The following INSL6 variants were observed in gnomAD, a reference collection of about 807,000 sequenced individuals.
INSL6 encodes the protein insulin-like peptide INSL6.
A neutral mutation model predicts 9.4 loss-of-function variants in INSL6; 16 were observed. That is an observed-to-expected ratio of 1.70 (90% CI 1.15 to 2.59). The LOEUF is 2.59. INSL6 is among the 30% of genes most tolerant of loss of function. INSL6 has a pLI of 0.00. For synonymous variants in INSL6, 154 were observed against 96.9 expected (o/e 1.59, Z -3.46); for missense variants, 391 against 257.3 (o/e 1.52, Z -3.56).
chr9:5,105,481 G>A, the INSL6 span, among the ~76,000 whole-genome samples: 7 of 152,164 alleles, frequency 4.6e-5, no homozygotes, highest in African/African-American at 1.2e-4. Flanking sequence ...TGAAAATGGC[G>A]ATACTGCCCA....
chr9:5,089,193 G>C, the INSL6 span, among the ~76,000 whole-genome samples: 4 of 152,110 alleles, frequency 2.6e-5, no homozygotes, highest in South Asian at 8.3e-4. Flanking sequence ...CTACCCACCT[G>C]TTGAGATAGT....
At chr9:5,020,127 A>T in the INSL6 span, among the ~76,000 whole-genome samples, 1 of 152,160 alleles carries the variant, frequency 6.6e-6, no homozygotes, top group African/African-American at 2.4e-5. Flanking sequence ...TAGCAGTGGT[A>T]GGAGAACCTC....
chr9:5,054,943 C>A, the INSL6 span: 1 of 1,288,186 alleles, frequency 7.8e-7, no homozygotes, highest in Non-Finnish European at 1.1e-6. This position sits in a 1 kb window ranked among gnomAD's most constrained non-coding sequence, Gnocchi z 4.9. Flanking sequence ...GAAATAAAAA[C>A]AAAGTAATTT....
At chr9:4,997,431 G>A in the INSL6 span, among the ~76,000 whole-genome samples, 1 of 152,128 alleles carries the variant, frequency 6.6e-6, no homozygotes, top group African/African-American at 2.4e-5. Context: ...TTCAAGAGCT[G>A]GAGCAAAAGA....
At chr9:5,073,928 C>T in the INSL6 span, 2 of 605,598 alleles carry the variant, frequency 3.3e-6, no homozygotes, top group Admixed American at 3.0e-5. Context: ...ACTGAAAACA[C>T]TGTAGGACTA....
chr9:5,117,313 G>A, the INSL6 span, among the ~76,000 whole-genome samples: 1 of 152,248 alleles, frequency 6.6e-6, no homozygotes, highest in Non-Finnish European at 1.5e-5. Context: ...TTAGTAGACA[G>A]TGCGTAAGGT....
rs550915336 is a variant in INSL6 at position 5,131,435 on chromosome 9, A to ATTTTTTTTTTTTTTTTTTTTTTTTTTT, written c.*10+1989_*10+1990insAAAAAAAAAAAAAAAAAAAAAAAAAAA. Among the ~76,000 whole-genome samples the ATTTTTTTTTTTTTTTTTTTTTTTTTTT allele has an allele frequency of 3.9e-4, 45 of 115,822 alleles. 8 individuals carry two copies. The highest frequency in any genetic ancestry group is 1.7e-3 in the African/African-American group (42 of 24,946). The allele number at this position is 115,822 out of a possible 152,430, so 76.0% of individuals were successfully genotyped here. A position where few individuals can be genotyped will look rare whatever the true frequency, so the allele number is the denominator to read the frequency against. ...AATTCTTTAACACCACCAGTTAACA[A>ATTTTTTTTTTTTTTTTTTTTTTTTTTT]TTTTTTTTTTTTTTTTTTTGAGACA... On this transcript the variant is annotated intron_variant, in intron 3 of 3. Coordinates refer to the INSL6 transcript ENST00000649639.
the INSL6 span, among the ~76,000 whole-genome samples, chr9:5,059,543 T>C: frequency 3.2e-3 from 482 of 152,284 alleles, 3 homozygotes; most frequent in Non-Finnish European, 5.1e-3. Context: ...TATTTTTTGG[T>C]GGACTTATGC....
the INSL6 span, among the ~76,000 whole-genome samples, chr9:5,067,052 G>T: frequency 1.4e-4 from 22 of 152,120 alleles, no homozygotes; most frequent in Admixed American, 5.2e-4. Flanking sequence ...GGTGTTACCA[G>T]TGTGTTAAAA....
intron 2 of INSL6, among the ~76,000 whole-genome samples, chr9:5,148,042 G>A (rs1364892641): frequency 6.6e-6 from 1 of 152,134 alleles, no homozygotes; most frequent in East Asian, 1.9e-4. Context: ...TGCCATTTCA[G>A]ACAATTCAGA....
the INSL6 span, among the ~76,000 whole-genome samples, chr9:5,054,324 ATCT>A: frequency 3.3e-5 from 5 of 152,172 alleles, no homozygotes; most frequent in East Asian, 3.9e-4. The surrounding 1 kb of genome is among the most constrained non-coding windows in gnomAD (Gnocchi z 4.9). Flanking sequence ...GAAGATTAAC[ATCT>A]TCTTTTGTAA....
At chr9:5,150,580 A>AT (rs1174239983) in intron 2 of INSL6, among the ~76,000 whole-genome samples, 3 of 152,158 alleles carry the variant, frequency 2.0e-5, no homozygotes, top group African/African-American at 7.2e-5. Context: ...AATAACAGAT[A>AT]TTGACGAGGA....
chr9:5,166,124 G>A (rs1825044652), intron 1 of INSL6, among the ~76,000 whole-genome samples: 1 of 152,186 alleles, frequency 6.6e-6, no homozygotes. Flanking sequence ...ATTCTATGAG[G>A]TTTGTCATGA....
the INSL6 span, among the ~76,000 whole-genome samples, chr9:5,068,700 G>T: frequency 6.6e-6 from 1 of 152,190 alleles, no homozygotes; most frequent in African/African-American, 2.4e-5. Flanking sequence ...GCTCATGGAA[G>T]GCTCTATATG....
chr9:4,995,012 G>A, the INSL6 span, among the ~76,000 whole-genome samples: 193 of 152,222 alleles, frequency 1.3e-3, 3 homozygotes, highest in Non-Finnish European at 2.1e-4. Flanking sequence ...AGTGGTATAT[G>A]TTACTAAGTT....
At chr9:5,068,925 T>C in the INSL6 span, 5 of 696,472 alleles carry the variant, frequency 7.2e-6, no homozygotes, top group Non-Finnish European at 1.2e-5. Flanking sequence ...CAAATGTTTA[T>C]TCTGTTGCTT....
the INSL6 span, chr9:5,055,562 C>A: frequency 3.4e-6 from 3 of 871,314 alleles, no homozygotes; most frequent in Non-Finnish European, 5.1e-6. Flanking sequence ...TTATCAATAC[C>A]TTTTTTATTT....
chr9:5,153,354 C>A (rs190259322), intron 2 of INSL6, among the ~76,000 whole-genome samples: 14 of 152,156 alleles, frequency 9.2e-5, no homozygotes. Context: ...ACTTGGTGCA[C>A]GGAGGAGCAT....
chr9:5,140,724 T>C (rs532740171), intron 2 of INSL6, among the ~76,000 whole-genome samples: 24 of 152,194 alleles, frequency 1.6e-4, no homozygotes, highest in South Asian at 4.2e-4. Context: ...CATTTTTTTT[T>C]CCCCTTAATT....
Sources: allele counts gnomAD v4.1 joint callset (sites outside exome capture counted in the v4.1 genomes callset), GRCh38; gene constraint gnomAD v4.1.1; non-coding constraint Gnocchi (gnomAD v3.1); transcripts MANE v1.5; gene names NCBI Gene and HGNC (gene_info 2026-07-23, HGNC 2026-07-21).